ELL: variants seen among roughly 807,000 people sequenced by gnomAD.
ELL encodes elongation factor for RNA polymerase II, also known as RNA polymerase II elongation factor ELL.
Under a neutral mutation model 64.0 loss-of-function variants are expected in ELL, and 18 were observed. The ratio of observed to expected loss-of-function variants is 0.28; its 90% CI spans 0.19 to 0.42. ELL has a LOEUF of 0.42. Among genes scored for constraint, ELL ranks in the 10% least tolerant of loss-of-function variants. The pLI is 1.00. For missense variants in ELL, 797 were observed against 870.4 expected, an observed-to-expected ratio of 0.92 and a Z score of 1.06; for synonymous variants, 399 against 376.2, an observed-to-expected ratio of 1.06 and a Z score of -0.70.
chr19:18,451,971 G>C (rs1023062147), intron 6 of ELL, among the ~76,000 whole-genome samples: 2 of 152,222 alleles, frequency 1.3e-5, no homozygotes, highest in African/African-American at 4.8e-5. Context: ...ATCCTGTTCA[G>C]AACGCTCACT....
At chr19:18,490,926 G>A (rs1042551233) in intron 1 of ELL, among the ~76,000 whole-genome samples, 2 of 152,184 alleles carry the variant, frequency 1.3e-5, no homozygotes, top group Non-Finnish European at 1.5e-5. Flanking sequence ...ACCGGCAGCA[G>A]GTGACATTCT....
chr19:18,507,787 G>A (rs1481883298), intron 1 of ELL, among the ~76,000 whole-genome samples: 1 of 152,208 alleles, frequency 6.6e-6, no homozygotes, highest in Non-Finnish European at 1.5e-5. Context: ...CCACGCAGCT[G>A]AGGCTCAGCT....
rs1974417725 is a variant in ELL, at chr19:18,446,436, T to C, written c.1577A>G (p.Lys526Arg). The stretch of plus-strand genomic sequence containing the variant: ...GCTGTACTCGGCATTGAAGTCGTTC[T>C]TGTAGCTCTGGCGCTGCTCCGAAGA... ...ISSSEQRQSYKNDFNAEYSEY... is the reference protein window; with the variant it reads ...ISSSEQRQSYRNDFNAEYSEY... The change falls in exon 10 of 12, where the codon AAG becomes AGG. Residue 526 changes from lysine (K) to arginine (R), a missense_variant. Physicochemically the swap from Lys to Arg is conservative, Grantham distance 26 (BLOSUM62 2). Transcript: ENST00000262809. 3 of 1,612,924 alleles carry C rather than the reference T, an allele frequency of 1.9e-6. No homozygotes were observed. The African/African-American group carries it at 4.0e-5, about 22-fold the overall frequency.
chr19:18,493,603 G>T (rs1016100409), intron 1 of ELL, among the ~76,000 whole-genome samples: 9 of 152,226 alleles, frequency 5.9e-5, no homozygotes, highest in African/African-American at 2.2e-4. Flanking sequence ...CACGCAGAAC[G>T]ACTGCAGCCA....
intron 1 of ELL, among the ~76,000 whole-genome samples, chr19:18,491,675 G>T (rs1038577567): frequency 2.0e-5 from 3 of 152,132 alleles, no homozygotes; most frequent in Admixed American, 2.0e-4. Context: ...AGCACTTTGG[G>T]AAGCCAAAGC....
intron 9 of ELL, 37 bp downstream of exon 9, chr19:18,446,711 G>C: frequency 5.0e-6 from 8 of 1,612,266 alleles, no homozygotes; most frequent in Non-Finnish European, 5.9e-6. Flanking sequence ...ACCCAGAAAA[G>C]GGAGGCCTGG....
chr19:18,484,109 G>A (rs756125035), intron 1 of ELL, among the ~76,000 whole-genome samples: 23 of 152,212 alleles, frequency 1.5e-4, no homozygotes, highest in South Asian at 6.2e-4. Context: ...CCCCTCTAGC[G>A]CACTCTGCAG....
chr19:18,450,624 G>A lies in ELL; in HGVS notation c.1318C>T (p.His440Tyr), dbSNP rs1383398509. The change falls in exon 8 of 12, where the codon CAC becomes TAC. Residue 440 changes from histidine to tyrosine, a missense_variant. Transcript: ENST00000262809. ...GGCTTGCTGCGCGAGGGGCTGCCGT[G>A]TGGCCTGCTGGGCTGGGCACAGTCC... ...LTDCAQPSRP[H>Y]GSPSRSKPKK... 6.2e-7 allele frequency: 1 copy of A among 1,609,266 alleles called. No homozygotes were observed. The highest frequency in any genetic ancestry group is 2.2e-5 in the East Asian group (1 of 44,756).
intron 1 of ELL, among the ~76,000 whole-genome samples, chr19:18,507,906 T>A (rs1054763085): frequency 9.9e-5 from 15 of 152,184 alleles, no homozygotes; most frequent in Non-Finnish European, 2.2e-4. Flanking sequence ...GAGATGAGGA[T>A]GCAGCAGGCT....
intron 1 of ELL, among the ~76,000 whole-genome samples, chr19:18,518,863 C>T (rs1488012981): frequency 6.6e-6 from 1 of 152,028 alleles, no homozygotes; most frequent in East Asian, 1.9e-4. Flanking sequence ...ATGTGTACTG[C>T]TGCGCCTTTA....
At chr19:18,491,010 T>C (rs1041582643) in intron 1 of ELL, among the ~76,000 whole-genome samples, 7 of 152,190 alleles carry the variant, frequency 4.6e-5, no homozygotes, top group Admixed American at 2.0e-4. Context: ...TATCCAGCTG[T>C]TTGGCCAAAC....
intron 1 of ELL, among the ~76,000 whole-genome samples, chr19:18,513,649 A>C (rs1274994446): frequency 6.6e-6 from 1 of 152,200 alleles, no homozygotes; most frequent in Non-Finnish European, 1.5e-5. Context: ...ACAGGAGTTC[A>C]GGCTGGGCCC....
chr19:18,458,387 A>G, intron 5 of ELL, 58 bp from the exon 6 acceptor site: 1 of 1,582,170 alleles, frequency 6.3e-7, no homozygotes, highest in South Asian at 1.1e-5. Flanking sequence ...GGGGGACTAG[A>G]GAAAAAAGAT....
intron 6 of ELL, among the ~76,000 whole-genome samples, chr19:18,454,387 T>C (rs997922088): frequency 1.3e-5 from 2 of 152,000 alleles, no homozygotes; most frequent in Non-Finnish European, 2.9e-5. Flanking sequence ...TAGTCCCAGC[T>C]ACTCGCGAGG....
chr19:18,442,915 A>G lies in ELL; in HGVS notation c.*1837T>C, dbSNP rs1329291225. On this transcript the variant is annotated 3_prime_UTR_variant, in exon 12 of 12. Coordinates refer to ENST00000262809, the MANE Select transcript of ELL (RefSeq NM_006532.4). ...TCAATAAGTTAGACCATATTTAATC[A>G]GCTAGAACTTTGTCCACCAACCCCC... 1 of 230,406 alleles carries G rather than the reference A, an allele frequency of 4.3e-6. No homozygotes were observed. Among genetic ancestry groups the G allele is most frequent in the East Asian group, 6.2e-5 (1 of 16,246 alleles). The allele number at this position is 230,406 out of a possible 1,614,324, so 14.3% of individuals were successfully genotyped here. A position where few individuals can be genotyped will look rare whatever the true frequency, so the allele number is the denominator to read the frequency against.
At chr19:18,446,225 A>AGCAGGCCACTAG (rs11267755) in intron 10 of ELL, 84 bp downstream of exon 10, 497,101 of 1,410,928 alleles carry the variant, frequency 0.35, 89,409 homozygotes, top group African/African-American at 0.5. Context: ...GGGGCCACCA[A>AGCAGGCCACTAG]GCTCGTGGTG....
intron 1 of ELL, among the ~76,000 whole-genome samples, chr19:18,489,978 G>A (rs560244582): frequency 6.6e-6 from 1 of 152,252 alleles, no homozygotes; most frequent in Non-Finnish European, 1.5e-5. Context: ...CCCTGACCAC[G>A]CTGTGGAGCC....
intron 9 of ELL, 106 bp downstream of exon 9, chr19:18,446,642 C>T (rs1278816811): frequency 2.6e-6 from 4 of 1,513,318 alleles, no homozygotes; most frequent in South Asian, 1.2e-5. Context: ...AATTCACATA[C>T]TCAGACTTGC....
chr19:18,461,119 T>C (rs1035964942), intron 5 of ELL, among the ~76,000 whole-genome samples: 3 of 152,182 alleles, frequency 2.0e-5, no homozygotes, highest in Non-Finnish European at 4.4e-5. Flanking sequence ...GATGGAAGCC[T>C]GATGGTCTGA....
Sources: gnomAD v4.1 joint callset for allele counts (sites outside exome capture counted in the v4.1 genomes callset) on GRCh38, gnomAD v4.1.1 for gene constraint, MANE v1.5 for transcripts, NCBI Gene and HGNC (gene_info 2026-07-23, HGNC 2026-07-21) for gene names.